Variants in FRMPD1 observed in about 807,000 individuals in gnomAD.
FRMPD1 encodes the protein FERM and PDZ domain-containing protein 1.
FRMPD1 carries 76 observed loss-of-function variants against 117.8 expected under a neutral mutation model. The ratio of observed to expected loss-of-function variants is 0.65; its 90% confidence interval spans 0.54 to 0.78. The LOEUF is 0.78. FRMPD1 is among the 30% of genes least tolerant of loss of function. The pLI, the probability that FRMPD1 is intolerant of heterozygous loss-of-function variation, is 0.00. For synonymous variants in FRMPD1, 783 were observed against 770.4 expected, an observed-to-expected ratio of 1.02 and a Z score of -0.27; for missense variants, 1,786 against 1,964.5, an observed-to-expected ratio of 0.91 and a Z score of 1.72.
the FRMPD1 span, among the ~76,000 whole-genome samples, chr9:37,640,377 C>A: frequency 6.6e-6 from 1 of 152,164 alleles, no homozygotes; most frequent in Admixed American, 6.5e-5. Flanking sequence ...ATTTCTGTTC[C>A]CCAAGTGACC....
At chr9:37,720,881 G>A (rs1005611056) in intron 6 of FRMPD1, among the ~76,000 whole-genome samples, 6 of 152,300 alleles carry the variant, frequency 3.9e-5, no homozygotes, top group East Asian at 1.9e-4. Flanking sequence ...GTGAGACTTC[G>A]TCTCAAAAAA....
the FRMPD1 span, among the ~76,000 whole-genome samples, chr9:37,626,640 A>G: frequency 6.8e-6 from 1 of 146,188 alleles, no homozygotes; most frequent in African/African-American, 2.5e-5. Flanking sequence ...AAAAAAAAAA[A>G]AAGCTGGAGG....
chr9:37,695,050 T>G (rs1035929567), intron 2 of FRMPD1, among the ~76,000 whole-genome samples: 2 of 148,710 alleles, frequency 1.3e-5, no homozygotes, highest in Admixed American at 1.3e-4. Context: ...TAGATAGATA[T>G]GTCTGTGATG....
chr9:37,727,882 T>C (rs1242782983), intron 7 of FRMPD1: 3 of 152,242 alleles, frequency 2.0e-5, no homozygotes, highest in African/African-American at 7.2e-5. Flanking sequence ...CGAGACTTAC[T>C]GCGTTTGAGG....
intron 1 of FRMPD1, among the ~76,000 whole-genome samples, chr9:37,678,251 C>CTTTTTTTTT (rs34040451): frequency 0.013 from 1,071 of 79,802 alleles, 108 homozygotes; most frequent in Middle Eastern, 0.038. Flanking sequence ...GTACTTACCA[C>CTTTTTTTTT]TTTTTTTTTT....
intron 1 of FRMPD1, among the ~76,000 whole-genome samples, chr9:37,661,131 C>G (rs1214512325): frequency 2.6e-5 from 4 of 152,170 alleles, no homozygotes; most frequent in Non-Finnish European, 5.9e-5. Flanking sequence ...TAATGTCCAG[C>G]CCCTGGAACT....
chr9:37,738,890 G>A (rs1003288583), intron 14 of FRMPD1, among the ~76,000 whole-genome samples: 3 of 152,174 alleles, frequency 2.0e-5, no homozygotes, highest in South Asian at 2.1e-4. Context: ...GGAATGACCC[G>A]AGGAAAAGGC....
Position 37,735,670 on chromosome 9 carries a change from G to T in FRMPD1, c.1337G>T (p.Arg446Leu), listed in dbSNP as rs200633175. ...TTGGCAGAGTTTGCAAACATCAGCC[G>T]TGTAGAGCTAACGGAAGAGTCTGAG... ...STLAEFANIS[R>L]VELTEESEKV... Residue 446 changes from arginine (R) to leucine (L), a missense_variant, in exon 13 of 16, where the codon CGT becomes CTT. Transcript: ENST00000377765. The T allele has an allele frequency of 1.3e-4, 209 of 1,613,850 alleles. No homozygotes were observed. Among genetic ancestry groups the T allele is most frequent in the Non-Finnish European group, 1.7e-4 (203 of 1,179,866 alleles).
At chr9:37,736,531 CAAAAAA>C (rs57388208) in intron 13 of FRMPD1, among the ~76,000 whole-genome samples, 1 of 88,580 alleles carries the variant, frequency 1.1e-5, no homozygotes, top group East Asian at 3.8e-4. Context: ...AACTCTGTCT[CAAAAAA>C]AAAAAAAAAA....
chr9:37,701,486 TGTGCGC>T (rs72091526), intron 2 of FRMPD1, among the ~76,000 whole-genome samples: 27,972 of 136,600 alleles, frequency 0.2, 3,048 homozygotes, highest in Non-Finnish European at 0.28. Flanking sequence ...TGTGTGTGTG[TGTGCGC>T]GCGTGTGTGT....
chr9:37,637,372 T>A, the FRMPD1 span: 4 of 728,272 alleles, frequency 5.5e-6, no homozygotes, highest in Non-Finnish European at 9.8e-6. Context: ...CCGCCGATGT[T>A]TTTTCAATTT....
intron 1 of FRMPD1, among the ~76,000 whole-genome samples, chr9:37,686,245 T>C (rs919611556): frequency 6.6e-6 from 1 of 152,228 alleles, no homozygotes; most frequent in African/African-American, 2.4e-5. Context: ...GAAAAGAAGC[T>C]GATTTATTCT....
intron 5 of FRMPD1, 52 bp from the exon 6 acceptor site, chr9:37,718,999 ATGAGAAGATAGATATACC>A (rs775342241): frequency 2.2e-5 from 20 of 897,454 alleles, no homozygotes; most frequent in Non-Finnish European, 3.6e-5. Flanking sequence ...TTTTTAAGAA[ATGAGAAGATAGATATACC>A]TGGCTTTTAT....
the FRMPD1 span, among the ~76,000 whole-genome samples, chr9:37,615,664 C>T: frequency 6.6e-6 from 1 of 152,088 alleles, no homozygotes; most frequent in African/African-American, 2.4e-5. Flanking sequence ...TTTACAGCCT[C>T]GAGATTTTAG....
chr9:37,707,626 G>T, intron 3 of FRMPD1, 53 bp downstream of exon 3: 1 of 1,423,870 alleles, frequency 7.0e-7, no homozygotes, highest in South Asian at 1.2e-5. Flanking sequence ...AGGGGAAATA[G>T]CCCCAAATCT....
rs2118428072 is a variant in FRMPD1 at position 37,735,636 on chromosome 9, A to T, written c.1303A>T (p.Met435Leu). 6.2e-7 allele frequency: 1 copy of T among 1,613,636 alleles called. No homozygotes were observed. The highest frequency in any genetic ancestry group is 2.2e-5 in the East Asian group (1 of 44,878). The change falls in exon 13 of 16, where the codon ATG becomes TTG. Residue 435 changes from methionine to leucine, a missense_variant. Coordinates refer to ENST00000377765, the MANE Select transcript of FRMPD1 (RefSeq NM_014907.3). Reference protein sequence around the residue: ...SQVINSKLNIMSTLAEFANIS... With the variant: ...SQVINSKLNILSTLAEFANIS... ...GGTTATCAATAGCAAACTCAACATC[A>T]TGTCCACATTGGCAGAGTTTGCAAA...
At chr9:37,681,209 T>G (rs1821717664) in intron 1 of FRMPD1, among the ~76,000 whole-genome samples, 1 of 71,192 alleles carries the variant, frequency 1.4e-5, no homozygotes, top group Admixed American at 1.6e-4. Context: ...CCAGACTCTG[T>G]CTCAAAAAAA....
the FRMPD1 span, among the ~76,000 whole-genome samples, chr9:37,623,857 A>G: frequency 6.6e-6 from 1 of 151,896 alleles, no homozygotes; most frequent in African/African-American, 2.4e-5. Flanking sequence ...CTGGAGAAAC[A>G]AACATTAATT....
chr9:37,704,476 C>T (rs1037149119), intron 2 of FRMPD1, among the ~76,000 whole-genome samples: 6 of 151,864 alleles, frequency 4.0e-5, no homozygotes, highest in South Asian at 2.1e-4. Flanking sequence ...TCATTTGGAC[C>T]GCACTGCTCT....
Sources: gnomAD v4.1 joint callset for allele counts (sites outside exome capture counted in the v4.1 genomes callset) on GRCh38, gnomAD v4.1.1 for gene constraint, MANE v1.5 for transcripts, NCBI Gene and HGNC (gene_info 2026-07-23, HGNC 2026-07-21) for gene names.